ARHGAP24: variants seen among roughly 807,000 people sequenced by gnomAD.
The protein encoded by ARHGAP24 is Rho GTPase activating protein 24, also known as rho GTPase-activating protein 24.
In ARHGAP24, 50 loss-of-function variants were observed where a neutral mutation model predicts 76.4. The observed-to-expected ratio is 0.65, with a 90% CI of 0.52 to 0.83. ARHGAP24 has a LOEUF of 0.83. ARHGAP24 is among the 40% of genes least tolerant of loss of function. The pLI is 0.00. For missense variants in ARHGAP24, 930 were observed against 914.2 expected (o/e 1.02, Z -0.22); for synonymous variants, 345 against 323.3 (o/e 1.07, Z -0.72).
intron 3 of ARHGAP24, among the ~76,000 whole-genome samples, chr4:85,852,890 C>A (rs1731319542): frequency 6.6e-6 from 1 of 152,182 alleles, no homozygotes; most frequent in Non-Finnish European, 1.5e-5. Context: ...TCAGTCAGCC[C>A]CCACTGGGAG....
intron 2 of ARHGAP24, among the ~76,000 whole-genome samples, chr4:85,707,828 A>G (rs180711320): frequency 4.5e-4 from 68 of 152,282 alleles, no homozygotes; most frequent in African/African-American, 1.6e-3. Context: ...CAGCATGACT[A>G]TTGCACCCTG....
In ARHGAP24 at chr4:85,825,711, T is replaced by TA. The variant is rs541432092; in HGVS notation, c.269-97929dup. Among the ~76,000 whole-genome samples the TA allele has an allele frequency of 4.6e-5, 7 of 152,250 alleles. No individual in the cohort carries two copies. The South Asian group carries it at 1.2e-3, about 27-fold the overall frequency. ...CTGCATCCTGCAATGAATTCATTGT[T>TA]AAAAAAAATCAAAACTCATTTTTCT... On this transcript the variant is annotated intron_variant, in intron 3 of 9. Coordinates refer to ENST00000395184, the MANE Select transcript of ARHGAP24 (RefSeq NM_001025616.3).
At chr4:85,589,049 C>A (rs1727979559) in intron 2 of ARHGAP24, among the ~76,000 whole-genome samples, 1 of 152,198 alleles carries the variant, frequency 6.6e-6, no homozygotes, top group Non-Finnish European at 1.5e-5. Context: ...TTGCATTGGG[C>A]CTCAGAGATG....
chr4:85,604,198 C>T (rs1224738268), intron 2 of ARHGAP24: 1 of 152,152 alleles, frequency 6.6e-6, no homozygotes, highest in Admixed American at 6.5e-5. Context: ...GTGGTGACTA[C>T]AGTAATGTTC....
chr4:85,648,236 C>T (rs11097065), intron 2 of ARHGAP24, among the ~76,000 whole-genome samples: 141,698 of 152,146 alleles, frequency 0.93, 66,026 homozygotes, highest in East Asian at 0.98. Context: ...TTATATCTTA[C>T]AGAAGTCCTG....
intron 2 of ARHGAP24, 33 bp downstream of exon 2, chr4:85,570,754 C>G: frequency 6.2e-7 from 1 of 1,609,908 alleles, no homozygotes; most frequent in Admixed American, 1.7e-5. Context: ...CATTAAGGGC[C>G]TAAGAAAGCC....
At chr4:85,541,871 TCACGA>T (rs1266055214) in intron 1 of ARHGAP24, among the ~76,000 whole-genome samples, 17 of 152,144 alleles carry the variant, frequency 1.1e-4, no homozygotes, top group African/African-American at 4.1e-4. Context: ...CTTTTATTCT[TCACGA>T]TAGTGTGGAA....
intron 1 of ARHGAP24, among the ~76,000 whole-genome samples, chr4:85,481,920 A>G (rs939489228): frequency 1.3e-5 from 2 of 152,234 alleles, no homozygotes; most frequent in Non-Finnish European, 2.9e-5. Flanking sequence ...GGGATTTCAA[A>G]GCCAGTCTTT....
At chr4:85,904,689 G>C (rs1484400897) in intron 3 of ARHGAP24, among the ~76,000 whole-genome samples, 3 of 152,168 alleles carry the variant, frequency 2.0e-5, no homozygotes, top group Non-Finnish European at 4.4e-5. Flanking sequence ...ATGGCATTCA[G>C]AAATGAAATA....
chr4:85,968,510 A>T (rs1738764806), intron 5 of ARHGAP24, among the ~76,000 whole-genome samples: 1 of 152,146 alleles, frequency 6.6e-6, no homozygotes, highest in African/African-American at 2.4e-5. Context: ...AATTTGGCAA[A>T]GTAGTGGATT....
intron 3 of ARHGAP24, among the ~76,000 whole-genome samples, chr4:85,881,518 C>T (rs1227433781): frequency 6.6e-6 from 1 of 151,864 alleles, no homozygotes; most frequent in South Asian, 2.1e-4. Flanking sequence ...TTCCGTTCAT[C>T]TCTTCAAGTC....
chr4:85,696,558 A>G (rs1299872579), intron 2 of ARHGAP24, among the ~76,000 whole-genome samples: 3 of 152,114 alleles, frequency 2.0e-5, no homozygotes, highest in African/African-American at 7.2e-5. Flanking sequence ...TTGTTAGCGT[A>G]TTTCCATTTT....
chr4:85,664,376 A>AT (rs1197628122), intron 2 of ARHGAP24, among the ~76,000 whole-genome samples: 2 of 150,746 alleles, frequency 1.3e-5, no homozygotes, highest in Non-Finnish European at 2.9e-5. Flanking sequence ...ATCATTTTTC[A>AT]TTGTGTCTAT....
At chr4:85,476,236 G>T (rs1438130829) in intron 1 of ARHGAP24, among the ~76,000 whole-genome samples, 1 of 151,772 alleles carries the variant, frequency 6.6e-6, no homozygotes, top group African/African-American at 2.4e-5. Context: ...AAATACTTAA[G>T]ACTACATTTA....
chr4:85,492,658 AGTCACTATTCAGT>A (rs1196430227), intron 1 of ARHGAP24, among the ~76,000 whole-genome samples: 6 of 152,224 alleles, frequency 3.9e-5, no homozygotes, highest in Non-Finnish European at 7.3e-5. Context: ...TATCAAAGAG[AGTCACTATTCAGT>A]GTCACAGGAC....
At chr4:85,981,724 T>C (rs909467580) in intron 8 of ARHGAP24, among the ~76,000 whole-genome samples, 2 of 152,080 alleles carry the variant, frequency 1.3e-5, no homozygotes, top group Admixed American at 6.5e-5. Context: ...CTTAGCAGTA[T>C]CCCCTCCATG....
At chr4:85,563,981 G>T (rs547893644) in intron 1 of ARHGAP24, among the ~76,000 whole-genome samples, 11 of 152,248 alleles carry the variant, frequency 7.2e-5, no homozygotes, top group African/African-American at 2.6e-4. Context: ...AATGTTCTGA[G>T]AAATGATAAA....
intron 3 of ARHGAP24, among the ~76,000 whole-genome samples, chr4:85,858,834 T>A (rs1373973837): frequency 3.3e-5 from 5 of 151,786 alleles, no homozygotes; most frequent in African/African-American, 4.8e-5. Context: ...CTGGAGAGAT[T>A]GAAAAGGTAT....
chr4:85,986,884 A>G (rs1011272658), intron 8 of ARHGAP24, among the ~76,000 whole-genome samples: 1 of 152,118 alleles, frequency 6.6e-6, no homozygotes, highest in Non-Finnish European at 1.5e-5. Context: ...CTAAGATTTA[A>G]ATTATGGATT....
Sources: allele counts gnomAD v4.1 joint callset (sites outside exome capture counted in the v4.1 genomes callset), GRCh38; gene constraint gnomAD v4.1.1; transcripts MANE v1.5; gene names NCBI Gene and HGNC (gene_info 2026-07-23, HGNC 2026-07-21).